PCSK2: variants seen among roughly 807,000 people sequenced by gnomAD.
PCSK2 encodes proprotein convertase subtilisin/kexin type 2.
PCSK2 carries 14 observed loss-of-function variants against 69.7 expected under a neutral mutation model. That is an observed-to-expected ratio of 0.20 (90% CI 0.13 to 0.31). PCSK2 has a LOEUF of 0.31. PCSK2 is among the 10% of genes least tolerant of loss of function. PCSK2 has a pLI of 1.00. For missense variants in PCSK2, 544 were observed against 842.5 expected, an observed-to-expected ratio of 0.65 and a Z score of 4.39; for synonymous variants, 307 against 320.7, an observed-to-expected ratio of 0.96 and a Z score of 0.46.
chr20:17,271,635 G>A (rs1987870862), intron 2 of PCSK2, among the ~76,000 whole-genome samples: 1 of 152,060 alleles, frequency 6.6e-6, no homozygotes, highest in Non-Finnish European at 1.5e-5. Flanking sequence ...GTGAACCTGA[G>A]TGTACACACC....
chr20:17,464,804 C>T (rs2284915), intron 10 of PCSK2: 71,685 of 165,130 alleles, frequency 0.43, 15,830 homozygotes, highest in South Asian at 0.61. Context: ...TACTCCCTAT[C>T]TTTTGGATGG....
At chr20:17,384,244 G>T (rs578114013) in intron 5 of PCSK2, among the ~76,000 whole-genome samples, 1 of 152,206 alleles carries the variant, frequency 6.6e-6, no homozygotes, top group South Asian at 2.1e-4. Context: ...CTTTGGGTCT[G>T]AGGAAAAGCA....
chr20:17,428,628 C>T (rs2032297535), intron 6 of PCSK2, among the ~76,000 whole-genome samples: 1 of 152,138 alleles, frequency 6.6e-6, no homozygotes, highest in African/African-American at 2.4e-5. Context: ...GTGCATTCCG[C>T]AGGCCATACT....
At chr20:17,309,863 G>T (rs1277605168) in intron 2 of PCSK2, among the ~76,000 whole-genome samples, 1 of 127,726 alleles carries the variant, frequency 7.8e-6, no homozygotes, top group Admixed American at 7.6e-5. Flanking sequence ...AAGAAGAAGG[G>T]GAAGGGGAAG....
At chr20:17,378,610 T>TGGAC (rs1227775350) in intron 5 of PCSK2, among the ~76,000 whole-genome samples, 3 of 144,526 alleles carry the variant, frequency 2.1e-5, no homozygotes, top group Non-Finnish European at 4.6e-5. Context: ...GATGGATGGA[T>TGGAC]GGATGGATGG....
At chr20:17,307,252 T>A (rs757914258) in intron 2 of PCSK2, among the ~76,000 whole-genome samples, 2 of 152,226 alleles carry the variant, frequency 1.3e-5, no homozygotes, top group Non-Finnish European at 2.9e-5. Context: ...AAGTCTATCA[T>A]AGAAACAGTT....
chr20:17,290,405 A>C (rs892425675), intron 2 of PCSK2, among the ~76,000 whole-genome samples: 7 of 152,112 alleles, frequency 4.6e-5, no homozygotes, highest in Non-Finnish European at 7.4e-5. Flanking sequence ...TTCTCATTTA[A>C]ATTTCTAATA....
rs142858419 is a variant in PCSK2, at chr20:17,227,585, T to C, written c.177+103T>C. 9.8e-6 allele frequency: 8 copies of C among 819,526 alleles called. No homozygotes were observed. The Admixed American group carries it at 1.9e-4, about 19-fold the overall frequency. The allele number at this position is 819,526 out of a possible 1,614,324, so 50.8% of individuals were successfully genotyped here. On this transcript the variant is annotated intron_variant, in intron 1 of 11. Transcript: ENST00000262545. Reference sequence around the variant, plus strand: ...ATTTGCAAGTTTTCTCTCTTTCTCATGCGATGCAGATATTCTGCCATGGGC... The same window carrying C: ...ATTTGCAAGTTTTCTCTCTTTCTCACGCGATGCAGATATTCTGCCATGGGC...
At chr20:17,329,823 A>G (rs1489081072) in intron 2 of PCSK2, among the ~76,000 whole-genome samples, 3 of 152,240 alleles carry the variant, frequency 2.0e-5, no homozygotes, top group Non-Finnish European at 2.9e-5. Flanking sequence ...AAATTCAAGA[A>G]GTATATGAAG....
intron 5 of PCSK2, among the ~76,000 whole-genome samples, chr20:17,376,207 C>A (rs1352719657): frequency 6.6e-6 from 1 of 152,184 alleles, no homozygotes; most frequent in Non-Finnish European, 1.5e-5. Flanking sequence ...AGCTGCCTAG[C>A]TGAGCCCCAC....
chr20:17,231,905 C>T (rs935616876), intron 1 of PCSK2, among the ~76,000 whole-genome samples: 2 of 152,110 alleles, frequency 1.3e-5, no homozygotes, highest in African/African-American at 2.4e-5. Context: ...CCACTCTCAT[C>T]CCCTGGAGAC....
chr20:17,416,061 C>T (rs1440791276), intron 6 of PCSK2, among the ~76,000 whole-genome samples: 1 of 152,132 alleles, frequency 6.6e-6, no homozygotes, highest in African/African-American at 2.4e-5. Context: ...AGACCTAAAA[C>T]CATCAAAACC....
chr20:17,385,583 G>A (rs1035160940), intron 5 of PCSK2, among the ~76,000 whole-genome samples: 3 of 152,234 alleles, frequency 2.0e-5, no homozygotes, highest in African/African-American at 4.8e-5. Flanking sequence ...GCATGATGCT[G>A]TATACACTAA....
chr20:17,273,353 A>G (rs1987940722), intron 2 of PCSK2, among the ~76,000 whole-genome samples: 1 of 152,152 alleles, frequency 6.6e-6, no homozygotes, highest in Non-Finnish European at 1.5e-5. Context: ...TTAAATAACA[A>G]TGAAAGTCCA....
intron 1 of PCSK2, among the ~76,000 whole-genome samples, chr20:17,232,344 A>T (rs1482081315): frequency 6.6e-6 from 1 of 152,138 alleles, no homozygotes; most frequent in East Asian, 1.9e-4. Flanking sequence ...AACACTAGAT[A>T]TTTTACATCT....
At chr20:17,237,526 C>A (rs889978116) in intron 1 of PCSK2, among the ~76,000 whole-genome samples, 18 of 152,130 alleles carry the variant, frequency 1.2e-4, no homozygotes, top group Middle Eastern at 3.4e-3. Context: ...GCACACAGGC[C>A]TGTGAAAGGA....
intron 2 of PCSK2, among the ~76,000 whole-genome samples, chr20:17,269,933 A>G (rs938607612): frequency 1.1e-4 from 17 of 152,292 alleles, no homozygotes; most frequent in African/African-American, 3.8e-4. Flanking sequence ...AATTCTGATC[A>G]TATTTTCATA....
At position 17,362,700 on chromosome 20, in the gene PCSK2, C is replaced by T. The variant is rs115338972; in HGVS notation, c.505+2060C>T. ...TAAAGGCTAGACCTGGAATGGGCAC[C>T]GGTAACTCTGCCACTTATGTTGGAT... is the stretch of plus-strand genomic sequence containing the variant. On this transcript the variant is annotated intron_variant, in intron 4 of 11. Transcript: ENST00000262545. Among the ~76,000 whole-genome samples the T allele has an allele frequency of 8.9e-3, 1,349 of 152,284 alleles. 25 individuals are homozygous for T. Among genetic ancestry groups the T allele is most frequent in the African/African-American group, 0.03 (1,263 of 41,536 alleles).
intron 2 of PCSK2, among the ~76,000 whole-genome samples, chr20:17,269,103 G>A (rs1011810159): frequency 3.3e-5 from 5 of 152,188 alleles, no homozygotes; most frequent in African/African-American, 4.8e-5. Flanking sequence ...TTTTAAGCAC[G>A]TTAACATTTG....
Sources: gnomAD v4.1 joint callset for allele counts (sites outside exome capture counted in the v4.1 genomes callset) on GRCh38, gnomAD v4.1.1 for gene constraint, MANE v1.5 for transcripts, NCBI Gene and HGNC (gene_info 2026-07-23, HGNC 2026-07-21) for gene names.